The following TRANK1 variants were observed in gnomAD, a reference collection of about 807,000 sequenced individuals.
TRANK1 encodes tetratricopeptide repeat and ankyrin repeat containing 1, also known as TPR and ankyrin repeat-containing protein 1.
In TRANK1, 198 loss-of-function variants were observed where a neutral mutation model predicts 266.0. The ratio of observed to expected loss-of-function variants is 0.74; its 90% CI spans 0.66 to 0.84. The LOEUF (loss-of-function observed/expected upper bound fraction) is 0.84. TRANK1 is among the 40% of genes least tolerant of loss of function. The pLI is 0.00. For synonymous variants in TRANK1, 1,396 were observed against 1,384.1 expected (o/e 1.01, Z -0.19); for missense variants, 3,326 against 3,634.6 (o/e 0.92, Z 2.18).
intron 5 of TRANK1, among the ~76,000 whole-genome samples, chr3:36,893,493 C>T (rs2079740947): frequency 6.6e-6 from 1 of 152,152 alleles, no homozygotes; most frequent in African/African-American, 2.4e-5. Flanking sequence ...CCTCCTAACT[C>T]CAAGTCTTGT....
At chr3:36,847,842 T>C (rs2078936251) in intron 15 of TRANK1, among the ~76,000 whole-genome samples, 1 of 152,220 alleles carries the variant, frequency 6.6e-6, no homozygotes, top group Admixed American at 6.5e-5. Context: ...GTATCTCAGT[T>C]CTTCCATTTA....
chr3:36,833,232 A>G lies in TRANK1; in HGVS notation c.6351T>C (p.Phe2117=). ...ACTTGGCATCCACCTGGGAAATCCCAAAAAACTCAAAGCAAGATTTGACCA... is the reference window on the plus strand; with the variant it reads ...ACTTGGCATCCACCTGGGAAATCCCGAAAAACTCAAAGCAAGATTTGACCA... ...KEMVKSCFEF[F]GISQVDAKYC... is the part of the protein sequence containing the mutation. Residue 2117 remains phenylalanine, a synonymous_variant, in exon 22 of 24, where the codon TTT becomes TTC. Transcript: ENST00000645898. The G allele has an allele frequency of 6.2e-7, 1 of 1,614,030 alleles. No individual in the cohort carries two copies. Among genetic ancestry groups the G allele is most frequent in the African/African-American group, 1.3e-5 (1 of 75,064 alleles).
At position 36,856,242 on chromosome 3, in the gene TRANK1, G is replaced by A. The variant is rs894450058; in HGVS notation, c.3480C>T (p.Ala1160=). ...GCTCCACACCGGCTCCTCCTGCGCAGGCTTCATACTCCTGCTCATCTATGC... is the reference window on the plus strand; with the variant it reads ...GCTCCACACCGGCTCCTCCTGCGCAAGCTTCATACTCCTGCTCATCTATGC... ...VESIDEQEYE[A]CAGGAGVEPA... The change falls in exon 13 of 24, where the codon GCC becomes GCT. Residue 1160 remains alanine (A), a synonymous_variant. Transcript: ENST00000645898. 10 of 1,612,894 alleles carry A rather than the reference G, an allele frequency of 6.2e-6. No individual in the cohort carries two copies. The East Asian group carries it at 2.2e-4, about 36-fold the overall frequency.
Position 36,856,750 on chromosome 3 carries a change from C to A in TRANK1, c.2972G>T (p.Arg991Leu). The A allele has an allele frequency of 6.2e-7, 1 of 1,613,988 alleles. No individual in the cohort carries two copies. Among genetic ancestry groups the A allele is most frequent in the Middle Eastern group, 1.6e-4 (1 of 6,062 alleles). Residue 991 changes from arginine (R) to leucine (L), a missense_variant, in exon 13 of 24, where the codon CGT (arginine) becomes CTT (leucine). Physicochemically the swap from Arg to Leu is moderately radical, Grantham distance 102. Coordinates refer to ENST00000645898, the MANE Select transcript of TRANK1 (RefSeq NM_001329998.2). The part of the protein sequence containing the change: ...QVSANMKIQK[R>L]IPRCYVEDTE... ...GTCCTCCACATAGCAGCGAGGTATA[C>A]GCTTTTGAATTTTCATGTTAGCTGA...
chr3:36,830,702 C>A (rs3732385), intron 22 of TRANK1, among the ~76,000 whole-genome samples, 171 bp downstream of exon 22: 56,580 of 152,042 alleles, frequency 0.37, 11,066 homozygotes, highest in African/African-American at 0.46. Context: ...GGTAATCCAA[C>A]CAATGAGGTT....
rs6805239 is a variant in TRANK1, at chr3:36,908,471, G to T, written c.24-17C>A. The stretch of plus-strand genomic sequence containing the variant: ...AGGTCCATCCTGTGAGGAGACGGGG[G>T]AGACGCTTGCTGCCAGACCCGTGCA... On this transcript the variant is annotated splice_polypyrimidine_tract_variant and intron_variant, in intron 1 of 23. Transcript: ENST00000645898. 0.25 allele frequency: 304,884 copies of T among 1,231,954 alleles called. 40,178 individuals carry two copies. Among genetic ancestry groups the T allele is most frequent in the East Asian group, 0.53 (16,948 of 31,682 alleles). 76.3% of individuals were successfully genotyped at this position (1,231,954 alleles called of 1,614,324 possible). A position where few individuals can be genotyped will look rare whatever the true frequency, so the allele number is the denominator to read the frequency against.
chr3:36,944,716 G>T, intron 1 of TRANK1, 71 bp downstream of exon 1: 2 of 1,484,754 alleles, frequency 1.3e-6, no homozygotes, highest in Non-Finnish European at 1.8e-6. Context: ...GCGCGCGGCC[G>T]CCTCCCGCCA....
chr3:36,897,098 T>G (rs562591709), intron 4 of TRANK1, among the ~76,000 whole-genome samples: 98 of 152,116 alleles, frequency 6.4e-4, no homozygotes, highest in Non-Finnish European at 5.9e-4. Context: ...GGTTAGGAGT[T>G]CGAGACCAGC....
chr3:36,841,684 G>T (rs1324249522), intron 18 of TRANK1, among the ~76,000 whole-genome samples: 2 of 152,180 alleles, frequency 1.3e-5, no homozygotes, highest in Admixed American at 6.5e-5. Flanking sequence ...AGAGATCAAT[G>T]AGAAGAAAGT....
chr3:36,886,525 C>T (rs2079608351), intron 8 of TRANK1, among the ~76,000 whole-genome samples: 1 of 152,072 alleles, frequency 6.6e-6, no homozygotes, highest in Non-Finnish European at 1.5e-5. Context: ...AGAGTGTAAG[C>T]CACATATGGC....
chr3:36,916,656 A>G (rs1165954983), intron 1 of TRANK1, among the ~76,000 whole-genome samples: 1 of 152,230 alleles, frequency 6.6e-6, no homozygotes, highest in African/African-American at 2.4e-5. Context: ...GGATGCAGGA[A>G]GAGCAGCCAA....
Position 36,832,070 on chromosome 3 carries a change from A to C in TRANK1, c.7513T>G (p.Ser2505Ala). ...KKDKELGDVF[S>A]IIQEYKPKDV... ...TTGGGTTTGTATTCCTGAATGATGGAGAACACATCCCCAAGCTCCTTGTCC... is the reference window on the plus strand; with the variant it reads ...TTGGGTTTGTATTCCTGAATGATGGCGAACACATCCCCAAGCTCCTTGTCC... Residue 2505 changes from serine to alanine, a missense_variant, in exon 22 of 24, where the codon TCC (serine) becomes GCC (alanine). Transcript: ENST00000645898. 6.2e-7 allele frequency: 1 copy of C among 1,614,012 alleles called. No individual in the cohort carries two copies. The highest frequency in any genetic ancestry group is 1.1e-5 in the South Asian group (1 of 91,084).
intron 8 of TRANK1, among the ~76,000 whole-genome samples, chr3:36,888,129 T>C (rs2079633842): frequency 6.6e-6 from 1 of 152,222 alleles, no homozygotes; most frequent in Admixed American, 6.5e-5. Flanking sequence ...AAACAAAATG[T>C]GGTATATTTA....
intron 9 of TRANK1, among the ~76,000 whole-genome samples, chr3:36,870,418 AAAAGAG>A (rs1273918183): frequency 3.8e-5 from 5 of 131,900 alleles, no homozygotes; most frequent in Non-Finnish European, 4.7e-5. Flanking sequence ...AAAAAAAAAA[AAAAGAG>A]AGAGAGAGAG....
intron 2 of TRANK1, among the ~76,000 whole-genome samples, chr3:36,907,367 C>T (rs1193588090): frequency 6.6e-6 from 1 of 151,472 alleles, no homozygotes; most frequent in Non-Finnish European, 1.5e-5. Flanking sequence ...CCAGGCTGGT[C>T]TTGAACTCCT....
chr3:36,908,619 A>C (rs2080008241), intron 1 of TRANK1, 165 bp from the exon 2 acceptor site: 2 of 1,229,058 alleles, frequency 1.6e-6, no homozygotes, highest in Non-Finnish European at 2.0e-6. Context: ...AACCAGGCAG[A>C]GTGTCTGACA....
chr3:36,918,251 G>C (rs1306807969), intron 1 of TRANK1, among the ~76,000 whole-genome samples: 1 of 151,844 alleles, frequency 6.6e-6, no homozygotes, highest in Non-Finnish European at 1.5e-5. Flanking sequence ...GGTACTATAA[G>C]GAAGGAGAAA....
At chr3:36,877,525 T>C (rs1230838407) in intron 8 of TRANK1, among the ~76,000 whole-genome samples, 2 of 152,200 alleles carry the variant, frequency 1.3e-5, no homozygotes, top group African/African-American at 4.8e-5. Flanking sequence ...CTCCAAGCCT[T>C]GTTTTCAATT....
chr3:36,880,345 C>A, intron 8 of TRANK1: 1 of 397,530 alleles, frequency 2.5e-6, no homozygotes. Flanking sequence ...TCTGTGGCAC[C>A]AATTATTCTT....
Sources: allele counts gnomAD v4.1 joint callset (sites outside exome capture counted in the v4.1 genomes callset), GRCh38; gene constraint gnomAD v4.1.1; transcripts MANE v1.5; gene names NCBI Gene and HGNC (gene_info 2026-07-23, HGNC 2026-07-21).